The following ARMC8 variants were observed in gnomAD, a reference collection of about 807,000 sequenced individuals.
The protein encoded by ARMC8 is armadillo repeat-containing protein 8.
ARMC8 carries 20 observed loss-of-function variants against 99.3 expected under a neutral mutation model. The observed-to-expected ratio is 0.20, with a 90% CI of 0.14 to 0.29. The LOEUF (loss-of-function observed/expected upper bound fraction) is 0.29. Among genes scored for constraint, ARMC8 ranks in the 10% least tolerant of loss-of-function variants. The probability of loss-of-function intolerance (pLI) is 1.00; values close to 1 mark genes in which losing one functional copy is unlikely to be tolerated. For missense variants in ARMC8, 569 were observed against 809.5 expected, an observed-to-expected ratio of 0.70 and a Z score of 3.60; for synonymous variants, 263 against 278.3, an observed-to-expected ratio of 0.95 and a Z score of 0.55.
intron 1 of ARMC8, among the ~76,000 whole-genome samples, chr3:138,201,477 T>C (rs868759738): frequency 2.6e-3 from 263 of 101,908 alleles, no homozygotes; most frequent in African/African-American, 8.5e-3. Context: ...TTTTTTTTTT[T>C]CCTGAGACAG....
chr3:138,187,316 C>A lies in ARMC8; in HGVS notation c.-239C>A, dbSNP rs1490786835. 2.2e-4 allele frequency: 105 copies of A among 470,716 alleles called. No individual in the cohort carries two copies. The East Asian group carries it at 3.6e-3, about 16-fold the overall frequency. 29.2% of individuals were successfully genotyped at this position (470,716 alleles called of 1,614,324 possible). On this transcript the variant is annotated 5_prime_UTR_variant, in exon 1 of 22. Transcript: ENST00000469044. ...ACCGCTGCCCGCTTCCACCTCTAAC[C>A]CAGGCTCAGAGTAGCTGCTGTTTCT...
At chr3:138,208,249 C>T (rs994264699) in intron 1 of ARMC8, among the ~76,000 whole-genome samples, 16 of 152,072 alleles carry the variant, frequency 1.1e-4, no homozygotes, top group African/African-American at 4.8e-5. Flanking sequence ...GGGCGGATCA[C>T]GAGGTCAGGG....
chr3:138,213,501 ATCAT>A (rs1181696616), intron 2 of ARMC8, among the ~76,000 whole-genome samples: 1 of 152,162 alleles, frequency 6.6e-6, no homozygotes, highest in Non-Finnish European at 1.5e-5. Flanking sequence ...TGAATAGATG[ATCAT>A]TAAGTAGGGA....
In ARMC8 at chr3:138,298,371, T is replaced by C. The variant is rs2051667232; in HGVS notation, c.*2479T>C. On this transcript the variant is annotated 3_prime_UTR_variant, in exon 22 of 22. Transcript: ENST00000469044. ...ACATGCTAATAAAAGCCAAGAAAAA[T>C]CATGGCAACTTCTAAAAAGGAGTCT... 6.6e-6 allele frequency: 1 copy of C among 152,134 alleles called. No individual in the cohort carries two copies. Among genetic ancestry groups the C allele is most frequent in the Non-Finnish European group, 1.5e-5 (1 of 68,028 alleles). The allele number at this position is 152,134 out of a possible 1,614,324, so 9.4% of individuals were successfully genotyped here. A position where few individuals can be genotyped will look rare whatever the true frequency, so the allele number is the denominator to read the frequency against.
intron 1 of ARMC8, among the ~76,000 whole-genome samples, chr3:138,194,982 C>A (rs2043630660): frequency 6.6e-6 from 1 of 151,926 alleles, no homozygotes; most frequent in South Asian, 2.1e-4. Flanking sequence ...AAAATAAATT[C>A]ATCAGTAAAT....
chr3:138,194,687 A>G (rs1009773603), intron 1 of ARMC8, among the ~76,000 whole-genome samples: 3 of 151,512 alleles, frequency 2.0e-5, no homozygotes, highest in African/African-American at 2.4e-5. Flanking sequence ...TGTATAGGGT[A>G]TTCCAAATCT....
intron 1 of ARMC8, among the ~76,000 whole-genome samples, chr3:138,190,452 A>C (rs1021491567): frequency 6.6e-6 from 1 of 151,704 alleles, no homozygotes; most frequent in Admixed American, 6.6e-5. Flanking sequence ...ATGCCTGGCT[A>C]ATTTTTTTGT....
chr3:138,196,541 T>G (rs2043746121), intron 1 of ARMC8, among the ~76,000 whole-genome samples: 1 of 152,086 alleles, frequency 6.6e-6, no homozygotes, highest in Non-Finnish European at 1.5e-5. Flanking sequence ...CACTCCAGAA[T>G]TAACTTCTTC....
intron 2 of ARMC8, among the ~76,000 whole-genome samples, chr3:138,210,499 CT>C (rs2044631669): frequency 6.6e-6 from 1 of 152,010 alleles, no homozygotes; most frequent in Non-Finnish European, 1.5e-5. Context: ...ATTCCCTTTC[CT>C]TTGAGTTTCA....
At chr3:138,222,756 A>C (rs1576661920) in intron 3 of ARMC8, among the ~76,000 whole-genome samples, 1 of 152,206 alleles carries the variant, frequency 6.6e-6, no homozygotes, top group Admixed American at 6.5e-5. Context: ...GGTATATATA[A>C]ATAGTGCTTT....
intron 2 of ARMC8, among the ~76,000 whole-genome samples, chr3:138,220,608 C>A (rs1045430370): frequency 6.6e-6 from 1 of 151,986 alleles, no homozygotes; most frequent in African/African-American, 2.4e-5. Flanking sequence ...AAGGGTTAAT[C>A]GTTACCAGGT....
At chr3:138,222,876 A>G (rs2108080587) in intron 3 of ARMC8, among the ~76,000 whole-genome samples, 1 of 152,324 alleles carries the variant, frequency 6.6e-6, no homozygotes, top group Non-Finnish European at 1.5e-5. Flanking sequence ...TGGAAATGAG[A>G]GGATCTCTTC....
At chr3:138,284,172 G>A (rs995280091) in intron 18 of ARMC8, among the ~76,000 whole-genome samples, 23 of 152,256 alleles carry the variant, frequency 1.5e-4, no homozygotes, top group Admixed American at 4.6e-4. Context: ...CAAAATAGCT[G>A]CCTTTGACCA....
chr3:138,264,120 A>C lies in ARMC8; in HGVS notation c.1218-11A>C, dbSNP rs1244039269. ...ATTTCTTGTGAAGCTAATTTTGATTATTCTTTGTAGATGTTTGCACAGTTT... is the reference window on the plus strand; with the variant it reads ...ATTTCTTGTGAAGCTAATTTTGATTCTTCTTTGTAGATGTTTGCACAGTTT... On this transcript the variant is annotated splice_polypyrimidine_tract_variant and intron_variant, in intron 13 of 21. Coordinates refer to ENST00000469044, the MANE Select transcript of ARMC8 (RefSeq NM_001363941.2). The C allele has an allele frequency of 6.2e-7, 1 of 1,607,362 alleles. No individual in the cohort carries two copies. Among genetic ancestry groups the C allele is most frequent in the Non-Finnish European group, 8.5e-7 (1 of 1,176,680 alleles).
intron 13 of ARMC8, 143 bp downstream of exon 13, chr3:138,263,964 C>CT (rs1484310261): frequency 1.0e-5 from 10 of 969,990 alleles, no homozygotes; most frequent in Non-Finnish European, 1.6e-5. Context: ...ATAACATTGT[C>CT]TAACAGAGAG....
intron 19 of ARMC8, among the ~76,000 whole-genome samples, chr3:138,284,801 C>T (rs966185167): frequency 3.3e-5 from 5 of 152,176 alleles, no homozygotes; most frequent in African/African-American, 1.2e-4. Context: ...GACCCGGGCT[C>T]TTGGCTTTCT....
intron 17 of ARMC8, among the ~76,000 whole-genome samples, chr3:138,273,639 G>A (rs549191014): frequency 6.6e-6 from 1 of 152,248 alleles, no homozygotes; most frequent in African/African-American, 2.4e-5. Flanking sequence ...GTTCTCTAAT[G>A]TTCCCCAAGA....
rs201554276 is a variant in ARMC8, at chr3:138,241,744, T to A, written c.838-39T>A. The A allele has an allele frequency of 4.4e-6, 7 of 1,595,054 alleles. No individual in the cohort carries two copies. In the East Asian group the frequency reaches 1.6e-4, roughly 36 times the overall value. On this transcript the variant is annotated intron_variant, in intron 10 of 21. Transcript: ENST00000469044. ...GTCACTATATGCTTAAGCTTTTACC[T>A]TTACCAAAAAGCAAATAATTAATCT... is the stretch of plus-strand genomic sequence containing the variant.
chr3:138,237,454 T>C (rs1241451240), intron 8 of ARMC8, 28 bp from the exon 9 acceptor site: 1 of 1,610,938 alleles, frequency 6.2e-7, no homozygotes, highest in Non-Finnish European at 8.5e-7. Context: ...AGAATTTCCT[T>C]AATCATTGTT....
Sources: gnomAD v4.1 joint callset for allele counts (sites outside exome capture counted in the v4.1 genomes callset) on GRCh38, gnomAD v4.1.1 for gene constraint, MANE v1.5 for transcripts, NCBI Gene and HGNC (gene_info 2026-07-23, HGNC 2026-07-21) for gene names.